NCKAP5: variants seen among roughly 807,000 people sequenced by gnomAD.
NCKAP5 encodes NCK associated protein 5, also known as nck-associated protein 5.
In NCKAP5, 92 loss-of-function variants were observed where a neutral mutation model predicts 167.0. That is an observed-to-expected ratio of 0.55 (90% CI 0.47 to 0.66). The LOEUF is 0.66. Ranked by LOEUF, NCKAP5 falls within the 30% of genes least tolerant of loss-of-function variation. The pLI is 0.00. For missense variants in NCKAP5, 2,378 were observed against 2,315.0 expected (o/e 1.03, Z -0.56); for synonymous variants, 891 against 877.4 (o/e 1.02, Z -0.27).
intron 5 of NCKAP5, among the ~76,000 whole-genome samples, chr2:133,138,407 A>G (rs1272737530): frequency 1.3e-5 from 2 of 152,208 alleles, no homozygotes; most frequent in Non-Finnish European, 2.9e-5. Flanking sequence ...ATAAAATGGT[A>G]ACACTGTATT....
At position 133,524,795 on chromosome 2, in the gene NCKAP5, T is replaced by C. The variant is rs184661579; in HGVS notation, c.-61-7208A>G. ...AACACGTACCTACAGCAGTCTCATT[T>C]TGGAAGATATATCAGCTCAATAACT... On this transcript the variant is annotated intron_variant, in intron 2 of 19. Coordinates refer to ENST00000409261, the MANE Select transcript of NCKAP5 (RefSeq NM_207363.3). Among the ~76,000 whole-genome samples, 84 of 152,316 alleles carry C rather than the reference T, an allele frequency of 5.5e-4. 1 individual carries two copies. The highest frequency in any genetic ancestry group is 2.0e-3 in the African/African-American group (83 of 41,584).
chr2:133,668,547 G>A, the NCKAP5 span, among the ~76,000 whole-genome samples: 1 of 151,878 alleles, frequency 6.6e-6, no homozygotes, highest in African/African-American at 2.4e-5. Flanking sequence ...TAATAATGTT[G>A]AGCATATTTT....
the NCKAP5 span, among the ~76,000 whole-genome samples, chr2:133,654,558 G>T: frequency 6.6e-6 from 1 of 152,124 alleles, no homozygotes; most frequent in Admixed American, 6.5e-5. Context: ...TCTCTGAAAA[G>T]GAAACTTTCT....
intron 3 of NCKAP5, among the ~76,000 whole-genome samples, chr2:133,470,042 C>T (rs1342423377): frequency 1.3e-5 from 2 of 152,082 alleles, no homozygotes; most frequent in East Asian, 1.9e-4. Context: ...AGCTTTGTTC[C>T]ATTGCTGGTG....
chr2:132,910,070 T>C (rs1231101531), intron 8 of NCKAP5, among the ~76,000 whole-genome samples: 1 of 152,044 alleles, frequency 6.6e-6, no homozygotes, highest in Non-Finnish European at 1.5e-5. Context: ...AGACTCAGGG[T>C]TTTCTGATAC....
intron 19 of NCKAP5, among the ~76,000 whole-genome samples, chr2:132,719,422 CA>C (rs1056727109): frequency 3.9e-5 from 6 of 152,174 alleles, no homozygotes; most frequent in Non-Finnish European, 8.8e-5. Flanking sequence ...AATTGACAGA[CA>C]AAAAGCTGAA....
At chr2:133,623,471 C>G in the NCKAP5 span, among the ~76,000 whole-genome samples, 1 of 151,970 alleles carries the variant, frequency 6.6e-6, no homozygotes, top group African/African-American at 2.4e-5. Flanking sequence ...CAAACAATCC[C>G]ATCAAAAACT....
chr2:133,152,880 C>A (rs557038436), intron 5 of NCKAP5, among the ~76,000 whole-genome samples: 2 of 152,254 alleles, frequency 1.3e-5, no homozygotes, highest in East Asian at 3.9e-4. Flanking sequence ...CAGTAATATG[C>A]TATACAGGTT....
intron 4 of NCKAP5, among the ~76,000 whole-genome samples, chr2:133,253,568 A>G (rs1026960995): frequency 1.3e-5 from 2 of 152,042 alleles, no homozygotes; most frequent in African/African-American, 4.8e-5. Context: ...GTTTCATCAT[A>G]TTTATCCCTT....
chr2:133,437,747 T>C (rs1308226859), intron 3 of NCKAP5, among the ~76,000 whole-genome samples: 1 of 152,160 alleles, frequency 6.6e-6, no homozygotes, highest in African/African-American at 2.4e-5. Context: ...TGGGAGGACA[T>C]TTGACTTCAG....
chr2:133,633,372 G>A, the NCKAP5 span, among the ~76,000 whole-genome samples: 2 of 152,196 alleles, frequency 1.3e-5, no homozygotes, highest in African/African-American at 2.4e-5. Flanking sequence ...TGGCCAACTG[G>A]GGTGGGCATG....
chr2:133,081,771 G>A (rs764382430), intron 6 of NCKAP5, among the ~76,000 whole-genome samples: 5 of 152,090 alleles, frequency 3.3e-5, no homozygotes, highest in Non-Finnish European at 7.4e-5. Context: ...TGGGAGAAAC[G>A]TTTTCCTCCT....
chr2:133,013,738 G>T (rs1356535913), intron 6 of NCKAP5, among the ~76,000 whole-genome samples: 1 of 151,908 alleles, frequency 6.6e-6, no homozygotes. Flanking sequence ...GCCATTAGAG[G>T]CCCTCTGGAC....
At chr2:133,518,230 A>G (rs1394099944) in intron 2 of NCKAP5, among the ~76,000 whole-genome samples, 1 of 151,926 alleles carries the variant, frequency 6.6e-6, no homozygotes, top group African/African-American at 2.4e-5. Flanking sequence ...TGCTTTTTCT[A>G]GAATGATTAA....
At chr2:133,215,959 T>C (rs2086409958) in intron 4 of NCKAP5, among the ~76,000 whole-genome samples, 1 of 152,092 alleles carries the variant, frequency 6.6e-6, no homozygotes, top group Admixed American at 6.6e-5. Flanking sequence ...ATTAATTATA[T>C]TTTACTAGCA....
At chr2:133,043,608 T>C (rs2079288973) in intron 6 of NCKAP5, among the ~76,000 whole-genome samples, 1 of 152,180 alleles carries the variant, frequency 6.6e-6, no homozygotes, top group Non-Finnish European at 1.5e-5. Flanking sequence ...CTGGGTCACA[T>C]GCAGCCCAAG....
intron 19 of NCKAP5, among the ~76,000 whole-genome samples, chr2:132,711,663 C>G (rs1688855132): frequency 6.6e-6 from 1 of 152,174 alleles, no homozygotes; most frequent in Non-Finnish European, 1.5e-5. Context: ...TATCCATAAT[C>G]CATAAATATC....
chr2:132,948,657 T>C (rs919928554), intron 8 of NCKAP5, among the ~76,000 whole-genome samples: 1 of 152,096 alleles, frequency 6.6e-6, no homozygotes, highest in African/African-American at 2.4e-5. Flanking sequence ...CCAAGCCCCT[T>C]AATTCAATGC....
intron 6 of NCKAP5, among the ~76,000 whole-genome samples, chr2:133,129,244 G>A (rs1426141263): frequency 2.1e-4 from 31 of 147,426 alleles, no homozygotes; most frequent in Non-Finnish European, 3.9e-4. Context: ...ATCCCTCCCC[G>A]CTCCCCCCAC....
Sources: allele counts gnomAD v4.1 joint callset (sites outside exome capture counted in the v4.1 genomes callset), GRCh38; gene constraint gnomAD v4.1.1; transcripts MANE v1.5; gene names NCBI Gene and HGNC (gene_info 2026-07-23, HGNC 2026-07-21).